Variants in EYA1 observed in about 807,000 individuals in gnomAD.
The protein encoded by EYA1 is EYA transcriptional coactivator and phosphatase 1, also known as protein phosphatase EYA1.
A neutral mutation model predicts 82.0 loss-of-function variants in EYA1; 16 were observed. The observed-to-expected ratio is 0.20, with a 90% confidence interval of 0.13 to 0.30. The LOEUF (loss-of-function observed/expected upper bound fraction) is 0.30, where lower values mean the gene tolerates loss of function less well. EYA1 is among the 10% of genes least tolerant of loss of function. The probability of loss-of-function intolerance (pLI) is 1.00; values close to 1 mark genes in which losing one functional copy is unlikely to be tolerated. For synonymous variants in EYA1, 261 were observed against 264.4 expected (o/e 0.99, Z 0.12); for missense variants, 633 against 730.7 (o/e 0.87, Z 1.54).
chr8:71,546,795 C>G (rs769353733), intron 1 of EYA1, among the ~76,000 whole-genome samples: 3 of 152,158 alleles, frequency 2.0e-5, no homozygotes, highest in Non-Finnish European at 2.9e-5. Context: ...TGAGCCACAA[C>G]GCCTGGCCCG....
At chr8:71,498,687 G>A (rs972451815) in intron 2 of EYA1, among the ~76,000 whole-genome samples, 1 of 152,120 alleles carries the variant, frequency 6.6e-6, no homozygotes, top group African/African-American at 2.4e-5. Context: ...AGGACCTCAG[G>A]ACCTCTTCTG....
chr8:71,297,860 T>C (rs979702189), intron 9 of EYA1, among the ~76,000 whole-genome samples: 15 of 152,160 alleles, frequency 9.9e-5, no homozygotes, highest in African/African-American at 3.6e-4. Context: ...CAGCTTAGTT[T>C]TTGGAAAATA....
chr8:71,295,027 C>T (rs936036265), intron 9 of EYA1, among the ~76,000 whole-genome samples: 6 of 152,120 alleles, frequency 3.9e-5, no homozygotes, highest in Non-Finnish European at 7.4e-5. Context: ...AACCACTGCA[C>T]ATCCATATGC....
In EYA1 at chr8:71,216,738, G is replaced by A. The variant is rs1426844951; in HGVS notation, c.1314C>T (p.Tyr438=). ...VDWMRKLAFR[Y]RRVKEIYNTY... ...TGTTGTAGATCTCTTTTACCCGTCT[G>A]TAGCGGAAGGCCAACTTTCTCATCC... Residue 438 remains tyrosine, a synonymous_variant, in exon 14 of 18, where the codon TAC becomes TAT. Coordinates refer to ENST00000340726, the MANE Select transcript of EYA1 (RefSeq NM_000503.6). 6.2e-7 allele frequency: 1 copy of A among 1,613,040 alleles called. No individual in the cohort carries two copies. The highest frequency in any genetic ancestry group is 8.5e-7 in the Non-Finnish European group (1 of 1,179,616).
chr8:71,491,060 G>T (rs1650637867), intron 2 of EYA1, among the ~76,000 whole-genome samples: 1 of 151,968 alleles, frequency 6.6e-6, no homozygotes, highest in South Asian at 2.1e-4. Flanking sequence ...CAAAATATTA[G>T]CTTTAAGAGA....
chr8:71,488,276 T>A (rs548930179), intron 2 of EYA1, among the ~76,000 whole-genome samples: 45 of 151,376 alleles, frequency 3.0e-4, no homozygotes, highest in South Asian at 2.3e-3. Flanking sequence ...GGATAAAAAA[T>A]AAGGATATAG....
At chr8:71,439,342 G>T (rs1001104029) in intron 2 of EYA1, among the ~76,000 whole-genome samples, 1 of 152,132 alleles carries the variant, frequency 6.6e-6, no homozygotes, top group Non-Finnish European at 1.5e-5. Context: ...ATTGTAATCA[G>T]GTAGTTCCCC....
At chr8:71,444,159 G>T (rs1158792423) in intron 2 of EYA1, among the ~76,000 whole-genome samples, 1 of 152,146 alleles carries the variant, frequency 6.6e-6, no homozygotes, top group Non-Finnish European at 1.5e-5. Flanking sequence ...TTAATTTACT[G>T]CAACTTAGGT....
intron 2 of EYA1, among the ~76,000 whole-genome samples, chr8:71,486,943 T>G: frequency 1.1e-5 from 1 of 93,072 alleles, no homozygotes; most frequent in Non-Finnish European, 2.4e-5. Flanking sequence ...ACTTCTCAGG[T>G]GGTTCCAAAT....
At chr8:71,368,237 G>GT (rs5892275) in intron 2 of EYA1, among the ~76,000 whole-genome samples, 66,260 of 151,736 alleles carry the variant, frequency 0.44, 14,704 homozygotes, top group African/African-American at 0.46. Context: ...CTGGTGGCTT[G>GT]TTTTTTTAAT....
intron 7 of EYA1, among the ~76,000 whole-genome samples, chr8:71,300,997 C>T (rs77010638): frequency 0.06 from 9,155 of 152,142 alleles, 377 homozygotes; most frequent in African/African-American, 0.11. Context: ...GTTTTCTACT[C>T]GGAACCTATG....
At chr8:71,465,687 T>G (rs1808719364) in intron 2 of EYA1, among the ~76,000 whole-genome samples, 1 of 152,146 alleles carries the variant, frequency 6.6e-6, no homozygotes, top group Non-Finnish European at 1.5e-5. Context: ...AATATTTAGT[T>G]TATCTTTAAA....
intron 2 of EYA1, among the ~76,000 whole-genome samples, chr8:71,433,089 C>T (rs926585957): frequency 6.6e-6 from 1 of 152,110 alleles, no homozygotes; most frequent in Non-Finnish European, 1.5e-5. Context: ...GGTCAAATAC[C>T]AAACTGCCCA....
intron 2 of EYA1, among the ~76,000 whole-genome samples, chr8:71,516,384 G>A (rs1812975869): frequency 6.6e-6 from 1 of 152,130 alleles, no homozygotes; most frequent in African/African-American, 2.4e-5. Flanking sequence ...GATGGAAGGT[G>A]AGAGAGGACA....
chr8:71,249,531 T>C (rs891980924), intron 11 of EYA1, among the ~76,000 whole-genome samples: 2 of 152,120 alleles, frequency 1.3e-5, no homozygotes, highest in Non-Finnish European at 2.9e-5. Flanking sequence ...ACCATCCCCA[T>C]GATTCAATTA....
intron 2 of EYA1, among the ~76,000 whole-genome samples, chr8:71,393,052 A>C (rs909018206): frequency 6.6e-5 from 10 of 152,192 alleles, no homozygotes; most frequent in African/African-American, 2.4e-4. Flanking sequence ...ATATTTGAAC[A>C]CATACAAAAA....
chr8:71,448,025 T>TTTTTTTTTTTCTTTTAGGTAACGGAG (rs935912194), intron 2 of EYA1, among the ~76,000 whole-genome samples: 1 of 116,736 alleles, frequency 8.6e-6, no homozygotes, highest in African/African-American at 3.4e-5. Context: ...TTTTTTTTTT[T>TTTTTTTTTTTCTTTTAGGTAACGGAG]TCTCGCTCCG....
intron 2 of EYA1, among the ~76,000 whole-genome samples, chr8:71,462,450 G>A (rs1586765350): frequency 6.6e-6 from 1 of 152,188 alleles, no homozygotes; most frequent in African/African-American, 2.4e-5. Flanking sequence ...GCAGGGGAAT[G>A]GGAGCCTTCC....
chr8:71,503,963 A>G (rs1340378759), intron 2 of EYA1, among the ~76,000 whole-genome samples: 1 of 152,170 alleles, frequency 6.6e-6, no homozygotes, highest in African/African-American at 2.4e-5. Flanking sequence ...GGGTGGTCCC[A>G]ATATCAGCTA....
Sources: allele counts gnomAD v4.1 joint callset (sites outside exome capture counted in the v4.1 genomes callset), GRCh38; gene constraint gnomAD v4.1.1; transcripts MANE v1.5; gene names NCBI Gene and HGNC (gene_info 2026-07-23, HGNC 2026-07-21).